STXBP5L: variants seen among roughly 807,000 people sequenced by gnomAD.
STXBP5L encodes syntaxin binding protein 5L, also known as syntaxin-binding protein 5-like.
A neutral mutation model predicts 144.5 loss-of-function variants in STXBP5L; 65 were observed. The ratio of observed to expected loss-of-function variants is 0.45; its 90% CI spans 0.37 to 0.55. The LOEUF (loss-of-function observed/expected upper bound fraction) is 0.55. Ranked by LOEUF, STXBP5L falls within the 20% of genes least tolerant of loss-of-function variation. STXBP5L has a pLI of 0.00. For missense variants in STXBP5L, 1,298 were observed against 1,405.5 expected (o/e 0.92, Z 1.22); for synonymous variants, 505 against 469.6 (o/e 1.08, Z -0.97).
At chr3:121,155,541 A>G (rs542483714) in intron 8 of STXBP5L, among the ~76,000 whole-genome samples, 1 of 151,960 alleles carries the variant, frequency 6.6e-6, no homozygotes, top group South Asian at 2.1e-4. Context: ...CTAGTATTTT[A>G]TGTTTAAAAT....
intron 7 of STXBP5L, among the ~76,000 whole-genome samples, chr3:121,126,539 G>T (rs1475417040): frequency 1.3e-5 from 2 of 152,094 alleles, no homozygotes; most frequent in East Asian, 3.9e-4. Context: ...TGTGATTAGG[G>T]ACTAATCTTT....
intron 19 of STXBP5L, among the ~76,000 whole-genome samples, chr3:121,312,298 C>G (rs9790039): frequency 2.0e-5 from 3 of 147,834 alleles, no homozygotes; most frequent in Admixed American, 6.8e-5. Context: ...GACTTCATGT[C>G]TAAAACACCA....
chr3:121,264,766 A>G (rs970658590), intron 18 of STXBP5L, among the ~76,000 whole-genome samples: 3 of 151,476 alleles, frequency 2.0e-5, no homozygotes, highest in Non-Finnish European at 4.4e-5. Context: ...GGCTCAAAAT[A>G]AAGGGATGGA....
intron 3 of STXBP5L, among the ~76,000 whole-genome samples, chr3:120,962,948 C>T (rs930507406): frequency 6.6e-6 from 1 of 152,158 alleles, no homozygotes; most frequent in African/African-American, 2.4e-5. Context: ...TCTTTTATTT[C>T]ATTGAGCAGT....
chr3:120,956,685 A>G (rs1224667244), intron 3 of STXBP5L, among the ~76,000 whole-genome samples: 4 of 151,944 alleles, frequency 2.6e-5, no homozygotes, highest in Non-Finnish European at 5.9e-5. Flanking sequence ...TTTTGGGTAT[A>G]TATCCAGAAG....
chr3:120,936,353 A>G (rs1024464897), intron 2 of STXBP5L, among the ~76,000 whole-genome samples: 15 of 151,886 alleles, frequency 9.9e-5, no homozygotes, highest in African/African-American at 3.1e-4. Context: ...TGTCTCTACA[A>G]ACTGTGTCTT....
At chr3:121,105,501 A>T (rs1244667913) in intron 5 of STXBP5L, among the ~76,000 whole-genome samples, 1 of 152,220 alleles carries the variant, frequency 6.6e-6, no homozygotes, top group Non-Finnish European at 1.5e-5. Flanking sequence ...CAAAACCACA[A>T]TGTGATGCCA....
In STXBP5L at chr3:121,049,169, C is replaced by A. The variant is rs1470014398; in HGVS notation, c.470+3634C>A. Among the ~76,000 whole-genome samples the A allele has an allele frequency of 2.0e-5, 3 of 152,162 alleles. No individual in the cohort carries two copies. In the South Asian group the frequency reaches 6.2e-4, roughly 31 times the overall value. On this transcript the variant is annotated intron_variant, in intron 5 of 26. Coordinates refer to ENST00000471454, the MANE Select transcript of STXBP5L (RefSeq NM_001308330.2). Reference sequence around the variant, plus strand: ...GACCCATGTAGAAAACAGTCTGCTGCTTTTCTGTAAGGTGGCTGCACTGTG... The same window carrying A: ...GACCCATGTAGAAAACAGTCTGCTGATTTTCTGTAAGGTGGCTGCACTGTG...
chr3:121,394,189 G>C (rs1383003297), intron 22 of STXBP5L, among the ~76,000 whole-genome samples: 1 of 152,026 alleles, frequency 6.6e-6, no homozygotes. Context: ...TGTTATAAAT[G>C]GGATTGATTT....
At chr3:121,145,437 C>T (rs2045677789) in intron 7 of STXBP5L, among the ~76,000 whole-genome samples, 1 of 151,762 alleles carries the variant, frequency 6.6e-6, no homozygotes, top group African/African-American at 2.4e-5. Context: ...CAGATCAGTC[C>T]TTCCACTGGG....
chr3:121,163,862 TGA>T (rs2046407927), intron 9 of STXBP5L, among the ~76,000 whole-genome samples: 1 of 152,092 alleles, frequency 6.6e-6, no homozygotes, highest in Admixed American at 6.6e-5. Flanking sequence ...CTAGAAACTC[TGA>T]GAGATAAGTG....
intron 10 of STXBP5L, among the ~76,000 whole-genome samples, 161 bp downstream of exon 10, chr3:121,206,162 GATT>G (rs937466557): frequency 6.6e-5 from 10 of 152,034 alleles, no homozygotes; most frequent in African/African-American, 2.2e-4. Flanking sequence ...TATCTCTGAT[GATT>G]ATTATTATGA....
At chr3:121,072,370 C>T (rs1257780290) in intron 5 of STXBP5L, among the ~76,000 whole-genome samples, 1 of 152,228 alleles carries the variant, frequency 6.6e-6, no homozygotes, top group African/African-American at 2.4e-5. Flanking sequence ...GTTTTGGGCA[C>T]AAGCCAAGCA....
intron 5 of STXBP5L, among the ~76,000 whole-genome samples, chr3:121,096,090 G>A (rs2043112049): frequency 6.6e-6 from 1 of 150,586 alleles, no homozygotes; most frequent in African/African-American, 2.5e-5. Flanking sequence ...CTTGCTTGGT[G>A]GGCTGTACCC....
chr3:121,004,015 A>G (rs1327719139), intron 3 of STXBP5L, among the ~76,000 whole-genome samples: 1 of 151,984 alleles, frequency 6.6e-6, no homozygotes, highest in Non-Finnish European at 1.5e-5. Flanking sequence ...TTGGCTTAGG[A>G]TTGACTTGGC....
chr3:121,162,274 A>G (rs1284073864), intron 9 of STXBP5L, among the ~76,000 whole-genome samples: 2 of 152,174 alleles, frequency 1.3e-5, no homozygotes, highest in Non-Finnish European at 2.9e-5. Flanking sequence ...TTTGTTCCCA[A>G]GAAAAATAAT....
At chr3:121,393,599 ACT>A (rs1411446697) in intron 22 of STXBP5L, among the ~76,000 whole-genome samples, 1 of 152,132 alleles carries the variant, frequency 6.6e-6, no homozygotes, top group Non-Finnish European at 1.5e-5. Flanking sequence ...ACCTTGAGTT[ACT>A]TTTTGTATAT....
At chr3:121,206,829 T>G (rs1192703354) in intron 10 of STXBP5L, among the ~76,000 whole-genome samples, 1 of 151,986 alleles carries the variant, frequency 6.6e-6, no homozygotes, top group Non-Finnish European at 1.5e-5. Flanking sequence ...GAAAAAAAAG[T>G]AGCCATATCC....
At chr3:121,185,068 A>T (rs1415829880) in intron 9 of STXBP5L, among the ~76,000 whole-genome samples, 2 of 152,148 alleles carry the variant, frequency 1.3e-5, no homozygotes, top group Non-Finnish European at 2.9e-5. Context: ...AGCACTGAAC[A>T]TGGAAAGGAA....
Sources: gnomAD v4.1 joint callset for allele counts (sites outside exome capture counted in the v4.1 genomes callset) on GRCh38, gnomAD v4.1.1 for gene constraint, MANE v1.5 for transcripts, NCBI Gene and HGNC (gene_info 2026-07-23, HGNC 2026-07-21) for gene names.